The following PLA2G4D variants were observed in gnomAD, a reference collection of about 807,000 sequenced individuals.
PLA2G4D encodes cytosolic phospholipase A2 delta.
A neutral mutation model predicts 94.4 loss-of-function variants in PLA2G4D; 80 were observed. The ratio of observed to expected loss-of-function variants is 0.85; its 90% confidence interval spans 0.71 to 1.02. The LOEUF (loss-of-function observed/expected upper bound fraction) is 1.02, where lower values mean the gene tolerates loss of function less well. Among genes scored for constraint, PLA2G4D ranks in the 50% least tolerant of loss-of-function variants. The pLI, the probability that PLA2G4D is intolerant of heterozygous loss-of-function variation, is 0.00. For synonymous variants in PLA2G4D, 438 were observed against 440.9 expected (o/e 0.99, Z 0.08); for missense variants, 1,050 against 1,034.7 (o/e 1.01, Z -0.20).
At chr15:42,088,308 T>C (rs1890190617) in intron 1 of PLA2G4D, among the ~76,000 whole-genome samples, 1 of 152,122 alleles carries the variant, frequency 6.6e-6, no homozygotes, top group Non-Finnish European at 1.5e-5. Flanking sequence ...GGCCACTGTG[T>C]ATTAAGATGC....
In PLA2G4D at chr15:42,087,324, A is replaced by G; in HGVS notation, c.231T>C (p.Arg77=). Residue 77 remains arginine (R), a synonymous_variant, in exon 3 of 20, where the codon CGT becomes CGC. Transcript: ENST00000290472. ...CCTTGACCTGACTTTGGATAAGGAA[A>G]CGGAAGGCCTCATTCCACACAGGAT... ...TSHPVWNEAF[R]FLIQSQVKNV... is the part of the protein sequence containing the mutation. The G allele has an allele frequency of 6.2e-7, 1 of 1,614,058 alleles. No homozygotes were observed. The highest frequency in any genetic ancestry group is 8.5e-7 in the Non-Finnish European group (1 of 1,179,994).
chr15:42,092,625 C>T lies in PLA2G4D; in HGVS notation c.45+1790G>A, dbSNP rs1890264018. Among the ~76,000 whole-genome samples, 5 of 152,254 alleles carry T rather than the reference C, an allele frequency of 3.3e-5. 1 individual carries two copies. The South Asian group carries it at 1.0e-3, about 32-fold the overall frequency. On this transcript the variant is annotated intron_variant, in intron 1 of 19. Coordinates refer to ENST00000290472, the MANE Select transcript of PLA2G4D (RefSeq NM_178034.4). ...AACCCGGAGGCTTCTGGAGGAAATT[C>T]GTCAGCCCAGTCACCTGTAGGATCC...
At chr15:42,072,032 A>G (rs1181946236) in intron 14 of PLA2G4D, 121 bp from the exon 15 acceptor site, 12 of 1,311,356 alleles carry the variant, frequency 9.2e-6, no homozygotes, top group Non-Finnish European at 1.3e-5. Flanking sequence ...CCTGGCACCA[A>G]TGCAGCAGAT....
intron 1 of PLA2G4D, among the ~76,000 whole-genome samples, chr15:42,090,537 G>A (rs988076814): frequency 1.3e-5 from 2 of 152,210 alleles, no homozygotes; most frequent in Non-Finnish European, 2.9e-5. Flanking sequence ...GAAATGAGCA[G>A]ACCCGCCCTG....
At chr15:42,089,339 A>C (rs1410171684) in intron 1 of PLA2G4D, among the ~76,000 whole-genome samples, 2 of 151,976 alleles carry the variant, frequency 1.3e-5, no homozygotes, top group Non-Finnish European at 2.9e-5. Flanking sequence ...TCCACTCCCC[A>C]CCAAAAACTG....
intron 13 of PLA2G4D, among the ~76,000 whole-genome samples, chr15:42,078,383 C>T (rs183241376): frequency 8.5e-5 from 13 of 152,306 alleles, no homozygotes; most frequent in Non-Finnish European, 1.3e-4. Flanking sequence ...GTATCTGTAA[C>T]ATTTCATTTC....
At chr15:42,080,849 C>T (rs1409221315) in intron 12 of PLA2G4D, 148 bp downstream of exon 12, 1 of 1,144,266 alleles carries the variant, frequency 8.7e-7, no homozygotes, top group African/African-American at 1.6e-5. Context: ...ACGTCTGTTT[C>T]CTTCCTTGTG....
In PLA2G4D at chr15:42,072,479, C is replaced by A. The variant is rs116566203; in HGVS notation, c.1318-87G>T. 2,212 of 1,088,472 alleles carry A rather than the reference C, an allele frequency of 2.0e-3. 27 individuals are homozygous for A. The African/African-American group carries it at 0.032, about 16-fold the overall frequency. The allele number at this position is 1,088,472 out of a possible 1,614,324, so 67.4% of individuals were successfully genotyped here. A position where few individuals can be genotyped will look rare whatever the true frequency, so the allele number is the denominator to read the frequency against. ...GCCAGGACAGGGGCAGGATGGGGGACCTGGCTGGGGGTGAGGAGGCAGCTC... is the reference window on the plus strand; with the variant it reads ...GCCAGGACAGGGGCAGGATGGGGGAACTGGCTGGGGGTGAGGAGGCAGCTC... On this transcript the variant is annotated intron_variant, in intron 13 of 19. Coordinates refer to ENST00000290472, the MANE Select transcript of PLA2G4D (RefSeq NM_178034.4).
At chr15:42,094,346 C>T in intron 1 of PLA2G4D, 69 bp downstream of exon 1, 1 of 1,574,944 alleles carries the variant, frequency 6.3e-7, no homozygotes, top group Non-Finnish European at 8.7e-7. Flanking sequence ...AGCTATCACA[C>T]TTCCCAGAAT....
In PLA2G4D at chr15:42,087,344, C is replaced by T. The variant is rs1175760203; in HGVS notation, c.211G>A (p.Val71Met). The T allele has an allele frequency of 1.9e-6, 3 of 1,614,206 alleles. No individual in the cohort carries two copies. Among genetic ancestry groups the T allele is most frequent in the South Asian group, 1.1e-5 (1 of 91,072 alleles). The stretch of plus-strand genomic sequence containing the variant: ...AGGAAACGGAAGGCCTCATTCCACA[C>T]AGGATGACTGGTGTCGGTGAGCGTC... ...TKTLTDTSHP[V>M]WNEAFRFLIQ... Residue 71 changes from valine (V) to methionine (M), a missense_variant, in exon 3 of 20, where the codon GTG becomes ATG. Physicochemically the swap from Val to Met is conservative, Grantham distance 21. Coordinates refer to ENST00000290472, the MANE Select transcript of PLA2G4D (RefSeq NM_178034.4).
rs10601403 is a variant in PLA2G4D at position 42,084,644 on chromosome 15, GAGCT to G, written c.471+448_471+451del. The stretch of plus-strand genomic sequence containing the variant: ...CAGGACTCTCCCCAGTCCCAAGGAG[GAGCT>G]AGCTGCCTGAGCCTCTGATCCTCCT... On this transcript the variant is annotated intron_variant, in intron 6 of 19. Transcript: ENST00000290472. This position sits in a 1 kb window ranked among gnomAD's most constrained non-coding sequence, Gnocchi z 4.8. Among the ~76,000 whole-genome samples, 14,316 of 152,106 alleles carry G rather than the reference GAGCT, an allele frequency of 0.094. 754 individuals carry two copies. Among genetic ancestry groups the G allele is most frequent in the Middle Eastern group, 0.13 (39 of 294 alleles).
At chr15:42,094,296 T>A in intron 1 of PLA2G4D, 119 bp downstream of exon 1, 11 of 1,081,416 alleles carry the variant, frequency 1.0e-5, no homozygotes, top group East Asian at 3.0e-5. Context: ...AATCTCAGAC[T>A]CCCTCGCCCT....
At position 42,087,530 on chromosome 15, in the gene PLA2G4D, G is replaced by A. The variant is rs540661586; in HGVS notation, c.119-94C>T. ...TCCTACCAAGACCCTGGCGGTCACC[G>A]CAGGTGACCCAGCCCAGCCCCAGGG... On this transcript the variant is annotated intron_variant, in intron 2 of 19. Transcript: ENST00000290472. 209 of 1,600,378 alleles carry A rather than the reference G, an allele frequency of 1.3e-4. 1 individual carries two copies. The South Asian group carries it at 1.9e-3, about 15-fold the overall frequency.
intron 4 of PLA2G4D, 98 bp downstream of exon 4, chr15:42,086,115 C>A (rs1890139393): frequency 1.5e-6 from 2 of 1,342,038 alleles, no homozygotes; most frequent in Non-Finnish European, 2.0e-6. Context: ...AATGAGTTCA[C>A]CCCAGCAGCC....
At position 42,087,397 on chromosome 15, in the gene PLA2G4D, G is replaced by C; in HGVS notation, c.158C>G (p.Thr53Ser). 1.9e-6 allele frequency: 3 copies of C among 1,614,162 alleles called. No homozygotes were observed. The highest frequency in any genetic ancestry group is 2.5e-6 in the Non-Finnish European group (3 of 1,180,024). The change falls in exon 3 of 20, where the codon ACC becomes AGC. Residue 53 changes from threonine to serine, a missense_variant. Transcript: ENST00000290472. Reference protein sequence around the residue: ...ADPYVILQLSTAPGMKFKTKT... With the variant: ...ADPYVILQLSSAPGMKFKTKT... ...GGTCTTAAACTTCATTCCAGGTGCG[G>C]TCGACAGCTGTAGGATCACGTAAGG...
rs780094261 is a variant in PLA2G4D, at chr15:42,068,754, G to T, written c.2418C>A (p.His806Gln). 1.2e-6 allele frequency: 2 copies of T among 1,611,856 alleles called. No homozygotes were observed. Among genetic ancestry groups the T allele is most frequent in the South Asian group, 2.2e-5 (2 of 90,556 alleles). The change falls in exon 20 of 20, where the codon CAC becomes CAA. Residue 806 changes from histidine to glutamine, a missense_variant. By Grantham distance (24) the His-to-Gln change is conservative. Coordinates refer to ENST00000290472, the MANE Select transcript of PLA2G4D (RefSeq NM_178034.4). ...ILQALRTALKHRTLEARPPRA... is the reference protein window; with the variant it reads ...ILQALRTALKQRTLEARPPRA... ...TTGGAGGCCTCGCCTCTAGAGTCCG[G>T]TGCTTCAGCGCGGTCCTCAGGGCCT...
intron 12 of PLA2G4D, among the ~76,000 whole-genome samples, chr15:42,080,487 A>AT (rs1396141633): frequency 2.0e-5 from 3 of 152,212 alleles, no homozygotes; most frequent in African/African-American, 7.2e-5. Flanking sequence ...CACAGTCTTA[A>AT]ATGGACAATA....
chr15:42,068,866 G>T lies in PLA2G4D; in HGVS notation c.2306C>A (p.Ser769Tyr). The T allele has an allele frequency of 6.2e-7, 1 of 1,613,854 alleles. No homozygotes were observed. The highest frequency in any genetic ancestry group is 1.1e-5 in the South Asian group (1 of 91,074). Residue 769 changes from serine (S) to tyrosine (Y), a missense_variant, in exon 20 of 20, where the codon TCC becomes TAC. Ser to Tyr is a moderately radical substitution (Grantham distance 144). Coordinates refer to ENST00000290472, the MANE Select transcript of PLA2G4D (RefSeq NM_178034.4). The stretch of plus-strand genomic sequence containing the variant: ...GTCTTCCTCCTTGTAGGTCATGTTG[G>T]ACAGGGTGTAGGGGCAGGTGGCCCC... The part of the protein sequence containing the change: ...LTGATCPYTL[S>Y]NMTYKEEDFE...
intron 19 of PLA2G4D, 34 bp from the exon 20 acceptor site, chr15:42,068,975 A>G: frequency 6.3e-7 from 1 of 1,575,046 alleles, no homozygotes; most frequent in Non-Finnish European, 8.6e-7. Flanking sequence ...CAGGAGCAGG[A>G]CGCCGGGGCT....
Sources: allele counts gnomAD v4.1 joint callset (sites outside exome capture counted in the v4.1 genomes callset), GRCh38; gene constraint gnomAD v4.1.1; non-coding constraint Gnocchi (gnomAD v3.1); transcripts MANE v1.5; gene names NCBI Gene and HGNC (gene_info 2026-07-23, HGNC 2026-07-21).